KSR1: variants seen among roughly 807,000 people sequenced by gnomAD.
KSR1 encodes kinase suppressor of ras.
KSR1 carries 35 observed loss-of-function variants against 92.9 expected under a neutral mutation model. That is an observed-to-expected ratio of 0.38 (90% confidence interval 0.29 to 0.50). The LOEUF (loss-of-function observed/expected upper bound fraction) is 0.50. Ranked by LOEUF, KSR1 falls within the 20% of genes least tolerant of loss-of-function variation. KSR1 has a pLI of 0.94. For missense variants in KSR1, 972 were observed against 1,158.5 expected, an observed-to-expected ratio of 0.84 and a Z score of 2.34; for synonymous variants, 467 against 472.6, an observed-to-expected ratio of 0.99 and a Z score of 0.15.
intron 1 of KSR1, among the ~76,000 whole-genome samples, chr17:27,543,548 C>T (rs2071044946): frequency 6.6e-6 from 1 of 152,208 alleles, no homozygotes; most frequent in Non-Finnish European, 1.5e-5. Context: ...TCTGCTCAAC[C>T]AGGCCCGTGC....
intron 2 of KSR1, among the ~76,000 whole-genome samples, chr17:27,561,895 G>A (rs1407830957): frequency 6.6e-6 from 1 of 152,090 alleles, no homozygotes; most frequent in Non-Finnish European, 1.5e-5. Flanking sequence ...GCCCAGGCTG[G>A]AGTAGAGTGA....
chr17:27,580,716 G>A (rs1015915787), intron 3 of KSR1, among the ~76,000 whole-genome samples: 1 of 152,194 alleles, frequency 6.6e-6, no homozygotes, highest in African/African-American at 2.4e-5. Context: ...GGAGGAGGGA[G>A]GCAGGGCTTG....
intron 1 of KSR1, among the ~76,000 whole-genome samples, chr17:27,508,040 G>A (rs575277584): frequency 3.3e-5 from 5 of 152,064 alleles, no homozygotes; most frequent in South Asian, 2.1e-4. Flanking sequence ...AATCTCCCAC[G>A]TGCCCCCAGT....
chr17:27,500,711 G>A (rs2069146925), intron 1 of KSR1, among the ~76,000 whole-genome samples: 1 of 152,234 alleles, frequency 6.6e-6, no homozygotes, highest in Admixed American at 6.5e-5. Context: ...TGACAAACTT[G>A]TGGGTCATTG....
intron 6 of KSR1, 68 bp from the exon 7 acceptor site, chr17:27,590,743 A>T (rs2073136304): frequency 1.4e-6 from 2 of 1,465,526 alleles, no homozygotes; most frequent in Non-Finnish European, 1.9e-6. Context: ...GCTCCATGGG[A>T]AACCTTCTGT....
At chr17:27,615,372 TC>T (rs1204442697) in intron 18 of KSR1, among the ~76,000 whole-genome samples, 2 of 152,248 alleles carry the variant, frequency 1.3e-5, no homozygotes, top group Admixed American at 1.3e-4. Flanking sequence ...GATTACATTT[TC>T]TTTGTGGGTC....
intron 1 of KSR1, among the ~76,000 whole-genome samples, chr17:27,486,814 C>T (rs562784704): frequency 4.6e-5 from 7 of 152,268 alleles, no homozygotes; most frequent in South Asian, 2.1e-4. Flanking sequence ...CTAGATAACA[C>T]GGGACTGCAG....
At chr17:27,535,949 GA>G (rs573082047) in intron 1 of KSR1, among the ~76,000 whole-genome samples, 191 of 152,364 alleles carry the variant, frequency 1.3e-3, no homozygotes, top group Non-Finnish European at 2.2e-3. Flanking sequence ...ACAGCAATGT[GA>G]GAGGGCCCTG....
At chr17:27,560,449 C>G (rs372807013) in intron 2 of KSR1, 1 of 519,022 alleles carries the variant, frequency 1.9e-6, no homozygotes, top group Admixed American at 1.9e-5. Context: ...AAGATGCAGG[C>G]GGATCTGGTA....
In KSR1 at chr17:27,585,632, C is replaced by A. The variant is rs755047675; in HGVS notation, c.981-25C>A. On this transcript the variant is annotated intron_variant, in intron 4 of 20. Coordinates refer to ENST00000644974, the MANE Select transcript of KSR1 (RefSeq NM_001394583.1). ...CGAGCCAGCGTGGTGACGTAATCCC[C>A]CTCTCTGCTTTTTGTCTCCTCCAGG... 6 of 759,910 alleles carry A rather than the reference C, an allele frequency of 7.9e-6. No homozygotes were observed. In the South Asian group the frequency reaches 8.5e-5, roughly 11 times the overall value. The allele number at this position is 759,910 out of a possible 1,614,324, so 47.1% of individuals were successfully genotyped here. A position where few individuals can be genotyped will look rare whatever the true frequency, so the allele number is the denominator to read the frequency against.
intron 1 of KSR1, among the ~76,000 whole-genome samples, 192 bp from the exon 2 acceptor site, chr17:27,550,376 C>T (rs756868354): frequency 3.3e-5 from 5 of 152,176 alleles, no homozygotes; most frequent in Non-Finnish European, 7.4e-5. Context: ...CATGGGTGGC[C>T]ACCAGCCTCT....
chr17:27,534,435 C>A (rs1426255225), intron 1 of KSR1, among the ~76,000 whole-genome samples: 2 of 152,196 alleles, frequency 1.3e-5, no homozygotes, highest in Non-Finnish European at 2.9e-5. Context: ...TTATAGCAGG[C>A]CTGATGTCTT....
chr17:27,466,503 G>A (rs930639942), intron 1 of KSR1, among the ~76,000 whole-genome samples: 25 of 152,172 alleles, frequency 1.6e-4, no homozygotes, highest in African/African-American at 4.6e-4. Flanking sequence ...CTGGCCCTGG[G>A]TGCATTTAGT....
At chr17:27,583,205 T>A (rs1459284064) in intron 4 of KSR1, 100 bp downstream of exon 4, 3 of 814,806 alleles carry the variant, frequency 3.7e-6, no homozygotes, top group Non-Finnish European at 5.6e-6. Context: ...TATAGACGTG[T>A]GTAAAGTCAA....
In KSR1 at chr17:27,529,284, T is replaced by TA. The variant is rs966342246; in HGVS notation, c.232-21273dup. Among the ~76,000 whole-genome samples the TA allele has an allele frequency of 2.3e-3, 343 of 148,068 alleles. 7 individuals carry two copies. The highest frequency in any genetic ancestry group is 0.019 in the Admixed American group (285 of 14,868). On this transcript the variant is annotated intron_variant, in intron 1 of 20. Coordinates refer to ENST00000644974, the MANE Select transcript of KSR1 (RefSeq NM_001394583.1). ...ATTAAGTACACTGTTAAAAGGGACTTAAAAAAAAAAAGTTGCCTCATAGTG... is the reference window on the plus strand; with the variant it reads ...ATTAAGTACACTGTTAAAAGGGACTTAAAAAAAAAAAAGTTGCCTCATAGTG...
intron 5 of KSR1, among the ~76,000 whole-genome samples, chr17:27,586,744 C>G (rs2072982866): frequency 6.6e-6 from 1 of 152,228 alleles, no homozygotes; most frequent in African/African-American, 2.4e-5. Context: ...GCACATACAC[C>G]ACCTCACTGC....
intron 1 of KSR1, among the ~76,000 whole-genome samples, chr17:27,525,295 A>G (rs569325938): frequency 6.6e-6 from 1 of 152,340 alleles, no homozygotes; most frequent in Admixed American, 6.5e-5. Context: ...GACTGCCCCT[A>G]TTGCCAGGAA....
At chr17:27,460,967 C>T (rs914077273) in intron 1 of KSR1, among the ~76,000 whole-genome samples, 3 of 152,196 alleles carry the variant, frequency 2.0e-5, no homozygotes, top group African/African-American at 7.2e-5. Context: ...AGGAGCCAGG[C>T]AGGGCACAGT....
chr17:27,543,285 C>T (rs1261148068), intron 1 of KSR1, among the ~76,000 whole-genome samples: 1 of 152,218 alleles, frequency 6.6e-6, no homozygotes, highest in Admixed American at 6.5e-5. Flanking sequence ...CCAAATCAGA[C>T]TGGCCCATGG....
Sources: gnomAD v4.1 joint callset for allele counts (sites outside exome capture counted in the v4.1 genomes callset) on GRCh38, gnomAD v4.1.1 for gene constraint, MANE v1.5 for transcripts, NCBI Gene and HGNC (gene_info 2026-07-23, HGNC 2026-07-21) for gene names.